Variants in WWOX observed in about 807,000 individuals in gnomAD.
The protein encoded by WWOX is WW domain containing oxidoreductase, also known as WW domain-containing oxidoreductase.
Under a neutral mutation model 46.2 loss-of-function variants are expected in WWOX, and 69 were observed. That is an observed-to-expected ratio of 1.49 (90% CI 1.23 to 1.82). The LOEUF (loss-of-function observed/expected upper bound fraction) is 1.82. Ranked by LOEUF, WWOX falls within the 40% of genes most tolerant of loss-of-function variation. The pLI is 0.00. For missense variants in WWOX, 919 were observed against 542.6 expected, an observed-to-expected ratio of 1.69 and a Z score of -6.89; for synonymous variants, 359 against 202.6, an observed-to-expected ratio of 1.77 and a Z score of -6.56.
In WWOX at chr16:78,676,288, C is replaced by G. The variant is rs555174813; in HGVS notation, c.1056+243536C>G. ...CAGAAAATTAACCTGCTACCATCCTCTAAAGAAGCGAGGGTCTCAGACTTT... is the reference window on the plus strand; with the variant it reads ...CAGAAAATTAACCTGCTACCATCCTGTAAAGAAGCGAGGGTCTCAGACTTT... On this transcript the variant is annotated intron_variant, in intron 8 of 8. Transcript: ENST00000566780. Among the ~76,000 whole-genome samples, 11 of 152,188 alleles carry G rather than the reference C, an allele frequency of 7.2e-5. No homozygotes were observed. The East Asian group carries it at 1.9e-3, about 27-fold the overall frequency.
intron 5 of WWOX, among the ~76,000 whole-genome samples, chr16:78,373,257 C>G (rs982690786): frequency 1.3e-5 from 2 of 152,176 alleles, no homozygotes; most frequent in African/African-American, 4.8e-5. Context: ...AAAAGTCTTT[C>G]AGTGTAAAGA....
intron 8 of WWOX, among the ~76,000 whole-genome samples, chr16:78,990,056 C>T (rs965013439): frequency 6.6e-5 from 10 of 151,830 alleles, no homozygotes; most frequent in Admixed American, 2.6e-4. Flanking sequence ...TGGTGACAGA[C>T]GCTTGTAGTC....
intron 8 of WWOX, among the ~76,000 whole-genome samples, chr16:78,523,297 C>T (rs1157831000): frequency 6.6e-6 from 1 of 152,156 alleles, no homozygotes; most frequent in Non-Finnish European, 1.5e-5. Context: ...TATATAAATT[C>T]AAGGTAAGGT....
At chr16:78,232,036 A>G (rs1349704199) in intron 5 of WWOX, among the ~76,000 whole-genome samples, 1 of 152,060 alleles carries the variant, frequency 6.6e-6, no homozygotes, top group Non-Finnish European at 1.5e-5. Context: ...CCTTTTTATC[A>G]TTGTCTTTGC....
chr16:78,312,684 C>A (rs141829346), intron 5 of WWOX, among the ~76,000 whole-genome samples: 32 of 151,130 alleles, frequency 2.1e-4, no homozygotes, highest in African/African-American at 7.7e-4. Flanking sequence ...TGGTTGTAGG[C>A]CTAATTCTAG....
intron 8 of WWOX, among the ~76,000 whole-genome samples, chr16:78,625,448 T>A (rs1386996022): frequency 6.6e-6 from 1 of 152,196 alleles, no homozygotes; most frequent in East Asian, 1.9e-4. Context: ...TAATTTCAGT[T>A]GGTACATATT....
chr16:78,104,769 T>A (rs2032036095), intron 1 of WWOX, among the ~76,000 whole-genome samples: 1 of 152,120 alleles, frequency 6.6e-6, no homozygotes, highest in Non-Finnish European at 1.5e-5. Flanking sequence ...TTAATTAATT[T>A]TTATATTTAT....
intron 8 of WWOX, among the ~76,000 whole-genome samples, chr16:78,766,659 G>C (rs2049930890): frequency 6.6e-6 from 1 of 152,158 alleles, no homozygotes; most frequent in Admixed American, 6.5e-5. Context: ...TTAAGACAAG[G>C]AATTCAGTTA....
intron 8 of WWOX, among the ~76,000 whole-genome samples, chr16:78,478,123 A>G (rs2084396114): frequency 6.6e-6 from 1 of 152,234 alleles, no homozygotes. Flanking sequence ...ATAGCACAGA[A>G]TGAAAAACAC....
At chr16:78,762,679 G>C (rs1041595786) in intron 8 of WWOX, among the ~76,000 whole-genome samples, 7 of 152,180 alleles carry the variant, frequency 4.6e-5, no homozygotes, top group Non-Finnish European at 2.9e-5. Flanking sequence ...TTGGGAGGCA[G>C]GAATCCACTG....
intron 8 of WWOX, among the ~76,000 whole-genome samples, chr16:79,167,630 C>G (rs1319898750): frequency 1.3e-5 from 2 of 152,144 alleles, no homozygotes; most frequent in East Asian, 1.9e-4. Flanking sequence ...AGTCACTTGC[C>G]CAAGGTTATC....
At chr16:79,030,859 G>A (rs900249838) in intron 8 of WWOX, among the ~76,000 whole-genome samples, 1 of 152,066 alleles carries the variant, frequency 6.6e-6, no homozygotes, top group African/African-American at 2.4e-5. Context: ...GAGGCAGGAG[G>A]ATCGCTTGAG....
At chr16:79,016,202 T>A (rs1462044717) in intron 8 of WWOX, 4 of 152,226 alleles carry the variant, frequency 2.6e-5, no homozygotes, top group African/African-American at 9.6e-5. Flanking sequence ...TTCTGAAGGC[T>A]TCTGTAATAC....
At chr16:78,389,029 C>T (rs7197571) in intron 6 of WWOX, among the ~76,000 whole-genome samples, 140,332 of 151,956 alleles carry the variant, frequency 0.92, 65,111 homozygotes, top group African/African-American at 0.98. Context: ...TCCCAAGTCA[C>T]TGAGGTCTAC....
rs375034238 is a variant in WWOX at position 79,211,810 on chromosome 16, C to T, written c.*14C>T. On this transcript the variant is annotated 3_prime_UTR_variant, in exon 9 of 9. Coordinates refer to ENST00000566780, the MANE Select transcript of WWOX (RefSeq NM_016373.4). ...CAGTCCGGCTAAGTGGAGCTCAGAGCGGATGGGCACACACACCCGCCCTGT... is the reference window on the plus strand; with the variant it reads ...CAGTCCGGCTAAGTGGAGCTCAGAGTGGATGGGCACACACACCCGCCCTGT... 579 of 1,613,896 alleles carry T rather than the reference C, an allele frequency of 3.6e-4. 3 individuals carry two copies. The highest frequency in any genetic ancestry group is 2.5e-3 in the Middle Eastern group (15 of 6,062).
At chr16:79,042,581 CA>C (rs1240465824) in intron 8 of WWOX, among the ~76,000 whole-genome samples, 4 of 152,198 alleles carry the variant, frequency 2.6e-5, no homozygotes, top group African/African-American at 9.6e-5. Context: ...GGTTATAATG[CA>C]GCATGGAAAT....
At chr16:78,413,598 C>T (rs1382744195) in intron 6 of WWOX, among the ~76,000 whole-genome samples, 1 of 152,016 alleles carries the variant, frequency 6.6e-6, no homozygotes, top group Non-Finnish European at 1.5e-5. Flanking sequence ...TCAGTTAAGG[C>T]TATTTTCACT....
At chr16:78,528,449 G>T (rs1321657971) in intron 8 of WWOX, among the ~76,000 whole-genome samples, 1 of 151,752 alleles carries the variant, frequency 6.6e-6, no homozygotes, top group Non-Finnish European at 1.5e-5. Flanking sequence ...TGCTAATTAG[G>T]GTGTTTTGTT....
At chr16:78,524,926 C>T (rs1489211963) in intron 8 of WWOX, among the ~76,000 whole-genome samples, 21 of 135,260 alleles carry the variant, frequency 1.6e-4, no homozygotes, top group Admixed American at 1.1e-3. Flanking sequence ...AGTGCAGTGA[C>T]GTGATCAAGG....
Sources: gnomAD v4.1 joint callset for allele counts (sites outside exome capture counted in the v4.1 genomes callset) on GRCh38, gnomAD v4.1.1 for gene constraint, MANE v1.5 for transcripts, NCBI Gene and HGNC (gene_info 2026-07-23, HGNC 2026-07-21) for gene names.